The following POLA1 variants were observed in gnomAD, a reference collection of about 807,000 sequenced individuals.
POLA1 encodes DNA polymerase alpha 1, catalytic subunit.
In POLA1, 15 loss-of-function variants were observed where a neutral mutation model predicts 124.0. The ratio of observed to expected loss-of-function variants is 0.12; its 90% confidence interval spans 0.08 to 0.19. POLA1 has a LOEUF of 0.19. Among genes scored for constraint, POLA1 ranks in the 10% least tolerant of loss-of-function variants. The probability of loss-of-function intolerance (pLI) is 1.00; values close to 1 mark genes in which losing one functional copy is unlikely to be tolerated. For missense variants in POLA1, 886 were observed against 1,103.4 expected (o/e 0.80, Z 2.79); for synonymous variants, 408 against 389.4 (o/e 1.05, Z -0.56).
At chrX:24,960,650 T>C (rs1430452695) in intron 36 of POLA1, among the ~76,000 whole-genome samples, 1 of 112,075 alleles carries the variant, frequency 8.9e-6, no homozygotes, top group East Asian at 2.8e-4. Context: ...TTGGATACAA[T>C]GACCCTCCAG....
chrX:24,965,919 G>T (rs2048216315), intron 36 of POLA1, among the ~76,000 whole-genome samples: 1 of 111,488 alleles, frequency 9.0e-6, no homozygotes, highest in South Asian at 3.8e-4. Flanking sequence ...AATAAACAAA[G>T]GTATCAAAAA....
chrX:24,944,057 G>T (rs1468290426), intron 36 of POLA1, among the ~76,000 whole-genome samples: 1 of 112,022 alleles, frequency 8.9e-6, no homozygotes, highest in East Asian at 2.8e-4. Context: ...GAAATCAGTA[G>T]TATGAGAGAA....
At chrX:24,801,800 TAG>T (rs1268430756) in intron 26 of POLA1, among the ~76,000 whole-genome samples, 2 of 110,663 alleles carry the variant, frequency 1.8e-5, no homozygotes, top group African/African-American at 6.6e-5. Context: ...ATTGGAAGGT[TAG>T]AGAGGTTATA....
chrX:24,854,256 G>A (rs1278687797), intron 34 of POLA1, among the ~76,000 whole-genome samples: 2 of 110,436 alleles, frequency 1.8e-5, no homozygotes, highest in Admixed American at 9.6e-5. Flanking sequence ...ATGTTGGCCA[G>A]GCTGGTCTTG....
Position 24,790,901 on chromosome X carries a change from TTATGTA to T in POLA1, c.2965-18987_2965-18982del, listed in dbSNP as rs199812350. On this transcript the variant is annotated intron_variant, in intron 26 of 36. Transcript: ENST00000379068. ...GTATATACAGCCCCCACTCATTTATTTATGTATATGTATATATATATATATATATAT... is the reference window on the plus strand; with the variant it reads ...GTATATACAGCCCCCACTCATTTATTTATGTATATATATATATATATATAT... Among the ~76,000 whole-genome samples, 652 of 78,635 alleles carry T rather than the reference TTATGTA, an allele frequency of 8.3e-3. 1 individual carries two copies. Among genetic ancestry groups the T allele is most frequent in the African/African-American group, 0.032 (619 of 19,425 alleles). 68.3% of individuals were successfully genotyped at this position (78,635 alleles called of 115,157 possible). A position where few individuals can be genotyped will look rare whatever the true frequency, so the allele number is the denominator to read the frequency against.
Position 24,716,375 on chromosome X carries a change from C to A in POLA1, c.539C>A (p.Thr180Asn), listed in dbSNP as rs368651244. The change falls in exon 7 of 37, where the codon ACT becomes AAT. Residue 180 changes from threonine to asparagine, a missense_variant. Physicochemically the swap from Thr to Asn is moderately conservative, Grantham distance 65 (BLOSUM62 0). This residue lies in a region of POLA1 where 337 missense variants were observed against 402.8 expected (regional missense o/e 0.84). Transcript: ENST00000379068. The stretch of plus-strand genomic sequence containing the variant: ...CTTTCCTTTTAGACACCTCAAATAA[C>A]TCCACCACCTGTAATGATACTGAAG... ...QDLNTETPQI[T>N]PPPVMILKKK... 23 of 1,164,715 alleles carry A rather than the reference C, an allele frequency of 2.0e-5. No individual in the cohort carries two copies. Among genetic ancestry groups the A allele is most frequent in the Non-Finnish European group, 2.6e-5 (22 of 854,454 alleles).
intron 12 of POLA1, 135 bp downstream of exon 12, chrX:24,724,586 G>A (rs1019585763): frequency 5.0e-6 from 2 of 403,330 alleles, no homozygotes; most frequent in Admixed American, 4.4e-5. Flanking sequence ...AATTTCATAG[G>A]TATGAATGTA....
intron 36 of POLA1, among the ~76,000 whole-genome samples, chrX:24,959,293 G>A (rs763633748): frequency 9.0e-5 from 10 of 110,663 alleles, no homozygotes; most frequent in Non-Finnish European, 1.7e-4. Flanking sequence ...GTGAAACCCC[G>A]TCTCTGCTAA....
intron 35 of POLA1, among the ~76,000 whole-genome samples, chrX:24,898,763 A>G (rs945696387): frequency 2.7e-5 from 3 of 112,403 alleles, no homozygotes; most frequent in African/African-American, 6.5e-5. Flanking sequence ...AAATGTGTTC[A>G]TAATAGAACT....
chrX:24,838,250 C>A (rs1569333236), intron 32 of POLA1, among the ~76,000 whole-genome samples: 3 of 111,585 alleles, frequency 2.7e-5, no homozygotes, highest in Admixed American at 9.5e-5. Context: ...AATGTGAGAT[C>A]CTAGAAATTT....
At chrX:24,784,057 TTC>T (rs1399805464) in intron 26 of POLA1, among the ~76,000 whole-genome samples, 38 of 94,001 alleles carry the variant, frequency 4.0e-4, no homozygotes, top group African/African-American at 1.5e-3. Flanking sequence ...AGATTTATAT[TTC>T]TTTTTTTTTT....
chrX:24,883,197 G>C (rs1298234560), intron 34 of POLA1, among the ~76,000 whole-genome samples: 1 of 111,578 alleles, frequency 9.0e-6, no homozygotes, highest in Admixed American at 9.5e-5. Context: ...GGGGTTATTT[G>C]GTTTTCACAT....
At position 24,967,148 on chromosome X, in the gene POLA1, G is replaced by A. The variant is rs1209932219; in HGVS notation, c.4262-28657G>A. Among the ~76,000 whole-genome samples, 5 of 109,387 alleles carry A rather than the reference G, an allele frequency of 4.6e-5. No individual in the cohort carries two copies. In the East Asian group the frequency reaches 8.6e-4, roughly 19 times the overall value. The allele number at this position is 109,387 out of a possible 115,157, so 95.0% of individuals were successfully genotyped here. A position where few individuals can be genotyped will look rare whatever the true frequency, so the allele number is the denominator to read the frequency against. ...CAGGCAATAGTGGGTGATACGTTCC[G>A]GTTCTTTGAGAACTTTCACAGAACA... On this transcript the variant is annotated intron_variant, in intron 36 of 36. Transcript: ENST00000379068.
At chrX:24,774,361 T>G (rs1226476947) in intron 26 of POLA1, among the ~76,000 whole-genome samples, 1 of 111,702 alleles carries the variant, frequency 9.0e-6, no homozygotes, top group Non-Finnish European at 1.9e-5. Flanking sequence ...CAAGGGCACA[T>G]TTTTCATAAG....
chrX:24,908,774 A>G (rs1021175481), intron 35 of POLA1, among the ~76,000 whole-genome samples: 6 of 111,524 alleles, frequency 5.4e-5, no homozygotes, highest in Admixed American at 4.8e-4. Flanking sequence ...TGAGTCAAAT[A>G]GTATTTCTAG....
chrX:24,770,494 C>G (rs940372632), intron 26 of POLA1, among the ~76,000 whole-genome samples: 1 of 111,361 alleles, frequency 9.0e-6, no homozygotes, highest in African/African-American at 3.3e-5. Flanking sequence ...AGGGTGAAGC[C>G]CAAGAGGAAC....
chrX:24,887,063 T>G (rs1427789583), intron 34 of POLA1, among the ~76,000 whole-genome samples: 2 of 112,088 alleles, frequency 1.8e-5, no homozygotes, highest in Non-Finnish European at 3.8e-5. Flanking sequence ...AACATTTGCC[T>G]TATACTTACG....
At chrX:24,918,615 A>G (rs974653755) in intron 35 of POLA1, among the ~76,000 whole-genome samples, 3 of 111,986 alleles carry the variant, frequency 2.7e-5, no homozygotes, top group Non-Finnish European at 5.6e-5. Flanking sequence ...TGCTGTCTTT[A>G]TTTACTTCAC....
intron 35 of POLA1, among the ~76,000 whole-genome samples, chrX:24,914,684 G>A (rs953503796): frequency 8.9e-6 from 1 of 112,015 alleles, no homozygotes; most frequent in Admixed American, 9.5e-5. Flanking sequence ...GATTTGTGAA[G>A]CAGTGTGTGT....
Sources: gnomAD v4.1 joint callset for allele counts (sites outside exome capture counted in the v4.1 genomes callset) on GRCh38, gnomAD v4.1.1 for gene constraint, gnomAD v4.1.1 regional missense constraint, MANE v1.5 for transcripts, NCBI Gene and HGNC (gene_info 2026-07-23, HGNC 2026-07-21) for gene names.